The following PCDHA6 variants were observed in gnomAD, a reference collection of about 807,000 sequenced individuals.
PCDHA6 encodes the protein protocadherin alpha-6.
PCDHA6 carries 55 observed loss-of-function variants against 60.3 expected under a neutral mutation model. The observed-to-expected ratio is 0.91, with a 90% CI of 0.73 to 1.14. PCDHA6 has a LOEUF of 1.14. PCDHA6 is among the 50% of genes most tolerant of loss of function. The probability of loss-of-function intolerance (pLI) is 0.00; values close to 1 mark genes in which losing one functional copy is unlikely to be tolerated. For synonymous variants in PCDHA6, 652 were observed against 557.9 expected, an observed-to-expected ratio of 1.17 and a Z score of -2.38; for missense variants, 1,327 against 1,256.5, an observed-to-expected ratio of 1.06 and a Z score of -0.85.
chr5:140,918,311 G>A (rs1286596595), intron 1 of PCDHA6, among the ~76,000 whole-genome samples: 2 of 152,070 alleles, frequency 1.3e-5, no homozygotes, highest in African/African-American at 4.8e-5. Context: ...GGGTTTTCTA[G>A]GTATAAAATT....
chr5:140,841,199 A>G, intron 1 of PCDHA6: 2 of 1,287,918 alleles, frequency 1.6e-6, no homozygotes, highest in South Asian at 3.0e-5. Flanking sequence ...TTTCTCTGAC[A>G]GCATCTGTCT....
intron 1 of PCDHA6, chr5:140,875,642 C>A: frequency 6.2e-7 from 1 of 1,613,606 alleles, no homozygotes; most frequent in Non-Finnish European, 8.5e-7. Flanking sequence ...CTGGAGCTGG[C>A]GGAGCTGGTG....
chr5:140,886,122 C>T (rs1394228638), intron 1 of PCDHA6, among the ~76,000 whole-genome samples: 1 of 152,116 alleles, frequency 6.6e-6, no homozygotes, highest in Non-Finnish European at 1.5e-5. Context: ...AACATAGTTC[C>T]GTAACAACCA....
intron 1 of PCDHA6, chr5:140,967,063 C>T (rs1554229129): frequency 6.2e-7 from 1 of 1,612,820 alleles, no homozygotes; most frequent in Non-Finnish European, 8.5e-7. Flanking sequence ...GTGGAGCGCT[C>T]TTCGTCAACG....
chr5:140,861,504 G>A (rs900432439), intron 1 of PCDHA6: 5 of 480,672 alleles, frequency 1.0e-5, no homozygotes, highest in African/African-American at 2.0e-5. Context: ...GATAGACCTC[G>A]AGGAGCTGTG....
At chr5:140,842,859 A>G in intron 1 of PCDHA6, 1 of 1,593,988 alleles carries the variant, frequency 6.3e-7, no homozygotes, top group Admixed American at 1.7e-5. Context: ...GTGCACACGG[A>G]GAGCGGCAAG....
intron 3 of PCDHA6, among the ~76,000 whole-genome samples, chr5:140,984,467 T>G (rs1358469857): frequency 4.6e-5 from 7 of 152,220 alleles, no homozygotes; most frequent in African/African-American, 1.7e-4. Context: ...CCAGCCCCTC[T>G]TGTATAACCC....
At chr5:140,925,231 G>A (rs2082401450) in intron 1 of PCDHA6, among the ~76,000 whole-genome samples, 1 of 152,154 alleles carries the variant, frequency 6.6e-6, no homozygotes, top group Non-Finnish European at 1.5e-5. Flanking sequence ...GTTTCTACCA[G>A]AAAATATGTC....
At chr5:140,984,247 C>G (rs1394918677) in intron 3 of PCDHA6, among the ~76,000 whole-genome samples, 2 of 152,138 alleles carry the variant, frequency 1.3e-5, no homozygotes, top group Non-Finnish European at 2.9e-5. Flanking sequence ...GTAGGTCGAC[C>G]TGGTAAGCCA....
At chr5:140,952,410 T>C (rs2094741343) in intron 1 of PCDHA6, among the ~76,000 whole-genome samples, 1 of 151,978 alleles carries the variant, frequency 6.6e-6, no homozygotes, top group Non-Finnish European at 1.5e-5. Flanking sequence ...TCAAATTTAA[T>C]GTTCCGCAGA....
intron 1 of PCDHA6, among the ~76,000 whole-genome samples, chr5:140,971,538 C>T (rs1162304462): frequency 6.6e-6 from 1 of 152,122 alleles, no homozygotes; most frequent in African/African-American, 2.4e-5. Flanking sequence ...GTCATCATTG[C>T]CAGATCAACC....
intron 1 of PCDHA6, chr5:140,841,681 C>G: frequency 6.2e-7 from 1 of 1,613,906 alleles, no homozygotes; most frequent in Non-Finnish European, 8.5e-7. Context: ...TCCATGTGGA[C>G]GTGGAGGTGA....
chr5:140,921,740 C>T (rs923518440), intron 1 of PCDHA6, among the ~76,000 whole-genome samples: 1 of 152,052 alleles, frequency 6.6e-6, no homozygotes, highest in Non-Finnish European at 1.5e-5. Flanking sequence ...AAATTATAAG[C>T]ATAACAGGAC....
chr5:140,908,795 A>C (rs2074156138), intron 1 of PCDHA6, among the ~76,000 whole-genome samples: 1 of 152,202 alleles, frequency 6.6e-6, no homozygotes, highest in South Asian at 2.1e-4. Context: ...TCTGTACTAC[A>C]TTAAAAAGTG....
chr5:140,986,355 T>C (rs1381730343), intron 3 of PCDHA6, among the ~76,000 whole-genome samples: 3 of 152,154 alleles, frequency 2.0e-5, no homozygotes, highest in African/African-American at 7.2e-5. Context: ...CTTCTTCAGA[T>C]GGAGGAATGC....
chr5:140,872,015 G>T (rs1322069149), intron 1 of PCDHA6, among the ~76,000 whole-genome samples: 3 of 152,208 alleles, frequency 2.0e-5, no homozygotes, highest in Non-Finnish European at 4.4e-5. Flanking sequence ...GTGACCTGTA[G>T]CCTGGAACTG....
At chr5:140,860,726 G>T (rs73263824) in intron 1 of PCDHA6, 23,037 of 152,060 alleles carry the variant, frequency 0.15, 1,806 homozygotes, top group Middle Eastern at 0.2. Context: ...AGTTTTTTTG[G>T]TTTTTTTGTT....
intron 1 of PCDHA6, among the ~76,000 whole-genome samples, chr5:140,952,596 GTT>G (rs1246642070): frequency 6.6e-6 from 1 of 152,136 alleles, no homozygotes; most frequent in Non-Finnish European, 1.5e-5. Flanking sequence ...TCTCTAGGAA[GTT>G]CTAAGCTCTC....
intron 1 of PCDHA6, chr5:140,850,209 G>A (rs2150473302): frequency 1.9e-6 from 3 of 1,593,574 alleles, no homozygotes; most frequent in African/African-American, 2.7e-5. Context: ...TCGGATGAGG[G>A]GCACTGACGG....
Sources: gnomAD v4.1 joint callset for allele counts (sites outside exome capture counted in the v4.1 genomes callset) on GRCh38, gnomAD v4.1.1 for gene constraint, MANE v1.5 for transcripts, NCBI Gene and HGNC (gene_info 2026-07-23, HGNC 2026-07-21) for gene names.